LTBP4: variants seen among roughly 807,000 people sequenced by gnomAD.
LTBP4 encodes latent transforming growth factor beta binding protein 4.
In LTBP4, 93 loss-of-function variants were observed where a neutral mutation model predicts 180.2. The ratio of observed to expected loss-of-function variants is 0.52; its 90% CI spans 0.44 to 0.61. The LOEUF is 0.61. Ranked by LOEUF, LTBP4 falls within the 20% of genes least tolerant of loss-of-function variation. LTBP4 has a pLI of 0.00. For missense variants in LTBP4, 2,116 were observed against 2,256.5 expected (o/e 0.94, Z 1.26); for synonymous variants, 947 against 934.5 (o/e 1.01, Z -0.24).
At chr19:40,595,049 G>C (rs2146007205) in intron 1 of LTBP4, among the ~76,000 whole-genome samples, 1 of 152,128 alleles carries the variant, frequency 6.6e-6, no homozygotes, top group South Asian at 2.1e-4. Context: ...GTGGGGGCGG[G>C]GCTAACGCTA....
rs1489034329 is a variant in LTBP4, at chr19:40,611,989, G to A, written c.2179+5G>A. ...CTGCTGGCTCCGAGTGCGAGGGTGA[G>A]GCCGGGGAGGGAGGGAGGAGTGTGG... On this transcript the variant is annotated splice_donor_5th_base_variant and intron_variant, in intron 14 of 29. Coordinates refer to ENST00000396819, the MANE Select transcript of LTBP4 (RefSeq NM_001042545.2). The surrounding 1 kb of genome is among the most constrained non-coding windows in gnomAD (Gnocchi z 4.4). 1.2e-6 allele frequency: 2 copies of A among 1,611,824 alleles called. No individual in the cohort carries two copies. The highest frequency in any genetic ancestry group is 3.3e-5 in the Admixed American group (2 of 59,808).
chr19:40,618,548 A>T (rs748513643), intron 21 of LTBP4, among the ~76,000 whole-genome samples: 4 of 151,956 alleles, frequency 2.6e-5, no homozygotes, highest in Admixed American at 6.6e-5. Flanking sequence ...AGCATGAGCC[A>T]CCACGCCTGG....
At position 40,605,659 on chromosome 19, in the gene LTBP4, G is replaced by A. The variant is rs916164844; in HGVS notation, c.690+7G>A. 1.9e-6 allele frequency: 3 copies of A among 1,559,144 alleles called. No homozygotes were observed. The highest frequency in any genetic ancestry group is 2.6e-6 in the Non-Finnish European group (3 of 1,152,656). On this transcript the variant is annotated splice_region_variant and intron_variant, in intron 3 of 29. Transcript: ENST00000396819. This position sits in a 1 kb window ranked among gnomAD's most constrained non-coding sequence, Gnocchi z 5.5. ...GGAGCTGCGCGGAGGCGAAGTGAGA[G>A]GAGGCCCGTGGGGAGGGGCCCGGAG...
rs1023122660 is a variant in LTBP4 at position 40,613,682 on chromosome 19, GA to G, written c.2557+154del. 5.1e-5 allele frequency: 67 copies of G among 1,306,140 alleles called. 1 individual carries two copies. Among genetic ancestry groups the G allele is most frequent in the Middle Eastern group, 4.7e-4 (2 of 4,226 alleles). 80.9% of individuals were successfully genotyped at this position (1,306,140 alleles called of 1,614,324 possible). ...CAGCTGGTGGGAGTCTCGAGGCAGT[GA>G]GGGGGGGCGGGGCGTGGAGATGAAA... On this transcript the variant is annotated intron_variant, in intron 17 of 29. Coordinates refer to ENST00000396819, the MANE Select transcript of LTBP4 (RefSeq NM_001042545.2). This position sits in a 1 kb window ranked among gnomAD's most constrained non-coding sequence, Gnocchi z 5.0.
Position 40,606,290 on chromosome 19 carries a change from T to G in LTBP4, c.851T>G (p.Val284Gly). 6.2e-7 allele frequency: 1 copy of G among 1,601,186 alleles called. No homozygotes were observed. ...DGPCPTGFERVNGSCEDVDEC... is the reference protein window; with the variant it reads ...DGPCPTGFERGNGSCEDVDEC... Reference sequence around the variant, plus strand: ...CCTTGTCCAACCGGCTTTGAAAGAGTTAATGGGTCCTGCGAAGGTGCAACG... The same window carrying G: ...CCTTGTCCAACCGGCTTTGAAAGAGGTAATGGGTCCTGCGAAGGTGCAACG... The change falls in exon 5 of 30, where the codon GTT becomes GGT. Residue 284 changes from valine (V) to glycine (G), a missense_variant. Val to Gly is a moderately radical substitution (Grantham distance 109). Transcript: ENST00000396819.
At chr19:40,628,701 C>T (rs930791905) in intron 29 of LTBP4, among the ~76,000 whole-genome samples, 1 of 152,152 alleles carries the variant, frequency 6.6e-6, no homozygotes, top group Non-Finnish European at 1.5e-5. Context: ...CATTGAGAGT[C>T]ATGTGCAAAT....
At chr19:40,604,557 C>G (rs1288058938) in intron 1 of LTBP4, among the ~76,000 whole-genome samples, 1 of 152,132 alleles carries the variant, frequency 6.6e-6, no homozygotes, top group Non-Finnish European at 1.5e-5. Context: ...AGTGAATAAA[C>G]AGCCTGAGGG....
rs2081595235 is a variant in LTBP4 at position 40,622,710 on chromosome 19, G to A, written c.3484+43G>A. 1 of 1,554,296 alleles carries A rather than the reference G, an allele frequency of 6.4e-7. No homozygotes were observed. Among genetic ancestry groups the A allele is most frequent in the East Asian group, 2.3e-5 (1 of 43,964 alleles). On this transcript the variant is annotated intron_variant, in intron 23 of 29. Coordinates refer to ENST00000396819, the MANE Select transcript of LTBP4 (RefSeq NM_001042545.2). The surrounding 1 kb of genome is among the most constrained non-coding windows in gnomAD (Gnocchi z 5.1). ...GGGACACAGGGCTGAGGGCTTGGGTGGAAATACTGGGTGGGGTGTGGGCCT... is the reference window on the plus strand; with the variant it reads ...GGGACACAGGGCTGAGGGCTTGGGTAGAAATACTGGGTGGGGTGTGGGCCT...
intron 1 of LTBP4, among the ~76,000 whole-genome samples, chr19:40,602,543 T>G (rs745957301): frequency 3.9e-4 from 59 of 152,116 alleles, no homozygotes; most frequent in South Asian, 1.2e-3. Context: ...ATCTCCCGCC[T>G]GAGCCCCCGC....
Position 40,609,469 on chromosome 19 carries a change from C to T in LTBP4, c.1427-61C>T. The T allele has an allele frequency of 6.3e-7, 1 of 1,587,144 alleles. No homozygotes were observed. Among genetic ancestry groups the T allele is most frequent in the African/African-American group, 1.3e-5 (1 of 74,344 alleles). On this transcript the variant is annotated intron_variant, in intron 9 of 29. Coordinates refer to ENST00000396819, the MANE Select transcript of LTBP4 (RefSeq NM_001042545.2). The surrounding 1 kb of genome is among the most constrained non-coding windows in gnomAD (Gnocchi z 4.9). ...GATGTCTCCGGGGGTGGGGGTTTTA[C>T]TGGGATGAAAGGAACGGAGGATTCA...
intron 7 of LTBP4, among the ~76,000 whole-genome samples, 170 bp from the exon 8 acceptor site, chr19:40,608,050 C>T (rs1387037828): frequency 3.3e-5 from 5 of 152,226 alleles, no homozygotes; most frequent in Non-Finnish European, 5.9e-5. Context: ...CACCTGTAGC[C>T]TCTAAGACAT....
rs748944671 is a variant in LTBP4, at chr19:40,608,611, A to G, written c.1426+8A>G. ...CTGAGATTCCTGAATCAGGTTTGCT[A>G]GAAAGAACTGAGGGCATTGGGCCTG... is the stretch of plus-strand genomic sequence containing the variant. On this transcript the variant is annotated splice_region_variant and intron_variant, in intron 9 of 29. Transcript: ENST00000396819. 1.3e-6 allele frequency: 2 copies of G among 1,577,976 alleles called. No individual in the cohort carries two copies. Among genetic ancestry groups the G allele is most frequent in the East Asian group, 2.3e-5 (1 of 43,228 alleles).
Position 40,622,772 on chromosome 19 carries a change from C to T in LTBP4, c.3484+105C>T. On this transcript the variant is annotated intron_variant, in intron 23 of 29. Transcript: ENST00000396819. This position sits in a 1 kb window ranked among gnomAD's most constrained non-coding sequence, Gnocchi z 5.1. ...CACTTTTGGACAGGGCCTTGAGGTA[C>T]TAGTACTGTCAGGGCAAGGGCGAGC... The T allele has an allele frequency of 6.9e-7, 1 of 1,453,546 alleles. No individual in the cohort carries two copies. Among genetic ancestry groups the T allele is most frequent in the Non-Finnish European group, 9.2e-7 (1 of 1,087,590 alleles). The allele number at this position is 1,453,546 out of a possible 1,614,324, so 90.0% of individuals were successfully genotyped here.
chr19:40,603,845 C>T (rs954927779), intron 1 of LTBP4, among the ~76,000 whole-genome samples: 2 of 152,234 alleles, frequency 1.3e-5, no homozygotes, highest in African/African-American at 4.8e-5. Context: ...GGTCCCGGGG[C>T]TCCCCAAGGG....
intron 6 of LTBP4, 135 bp downstream of exon 6, chr19:40,606,661 A>G: frequency 1.9e-6 from 2 of 1,058,338 alleles, no homozygotes; most frequent in Non-Finnish European, 2.7e-6. Context: ...GAGCCCCCTC[A>G]GAACTTCTCA....
At position 40,608,576 on chromosome 19, in the gene LTBP4, T is replaced by C. The variant is rs780865784; in HGVS notation, c.1399T>C (p.Trp467Arg). 1 of 1,600,244 alleles carries C rather than the reference T, an allele frequency of 6.2e-7. No homozygotes were observed. Among genetic ancestry groups the C allele is most frequent in the South Asian group, 1.1e-5 (1 of 88,476 alleles). ...GCTTCCCTTGCCCAGCATCCCTGCC[T>C]GGACTGGTCCTGAGATTCCTGAATC... ...PELPLPSIPA[W>R]TGPEIPESGP... Residue 467 changes from tryptophan (W) to arginine (R), a missense_variant, in exon 9 of 30, where the codon TGG becomes CGG. Transcript: ENST00000396819.
chr19:40,624,021 G>GC lies in LTBP4; in HGVS notation c.3776dup (p.Leu1260ThrfsTer20). 6.2e-7 allele frequency: 1 copy of GC among 1,608,806 alleles called. No individual in the cohort carries two copies. Among genetic ancestry groups the GC allele is most frequent in the Non-Finnish European group, 8.5e-7 (1 of 1,176,952 alleles). ...TGGGCTCTTATCACTGTACCTGCGA[G>GC]CCCCCACTGGTGCTGGATGGCTCGC... On this transcript the variant is annotated frameshift_variant, in exon 26 of 30. Coordinates refer to ENST00000396819, the MANE Select transcript of LTBP4 (RefSeq NM_001042545.2). LOFTEE classifies it high-confidence loss of function.
Position 40,613,538 on chromosome 19 carries a change from C to G in LTBP4, c.2557+9C>G, listed in dbSNP as rs1312751308. On this transcript the variant is annotated intron_variant, in intron 17 of 29. Coordinates refer to ENST00000396819, the MANE Select transcript of LTBP4 (RefSeq NM_001042545.2). The surrounding 1 kb of genome is among the most constrained non-coding windows in gnomAD (Gnocchi z 5.0). ...CGGAGCCTCTTGCCTCGGTTCGTAC[C>G]CGGGCTGATCCTGGCCCCGGAAAGG... The G allele has an allele frequency of 1.9e-6, 3 of 1,561,790 alleles. No homozygotes were observed.
intron 26 of LTBP4, 130 bp downstream of exon 26, chr19:40,624,212 A>C: frequency 8.7e-7 from 1 of 1,152,324 alleles, no homozygotes; most frequent in Non-Finnish European, 1.2e-6. Flanking sequence ...ACCACGCCCC[A>C]CTGAGCCCTC....
Sources: gnomAD v4.1 joint callset for allele counts (sites outside exome capture counted in the v4.1 genomes callset) on GRCh38, gnomAD v4.1.1 for gene constraint, Gnocchi (gnomAD v3.1) non-coding constraint, MANE v1.5 for transcripts, NCBI Gene and HGNC (gene_info 2026-07-23, HGNC 2026-07-21) for gene names.